PDK1: variants seen among roughly 807,000 people sequenced by gnomAD.
PDK1 encodes the protein [Pyruvate dehydrogenase (acetyl-transferring)] kinase isozyme 1, mitochondrial.
In PDK1, 39 loss-of-function variants were observed where a neutral mutation model predicts 54.2. The observed-to-expected ratio is 0.72, with a 90% CI of 0.56 to 0.94. The LOEUF (loss-of-function observed/expected upper bound fraction) is 0.94, where lower values mean the gene tolerates loss of function less well. PDK1 is among the 40% of genes least tolerant of loss of function. The pLI is 0.00. For missense variants in PDK1, 552 were observed against 566.0 expected (o/e 0.98, Z 0.25); for synonymous variants, 221 against 207.1 (o/e 1.07, Z -0.58).
chr2:172,576,904 T>C (rs1477454975), intron 8 of PDK1, among the ~76,000 whole-genome samples: 1 of 152,216 alleles, frequency 6.6e-6, no homozygotes, highest in African/African-American at 2.4e-5. Context: ...ATGTTCCATG[T>C]GTACTTGAGA....
the PDK1 span, among the ~76,000 whole-genome samples, chr2:172,659,300 A>G: frequency 6.6e-6 from 1 of 152,136 alleles, no homozygotes; most frequent in Non-Finnish European, 1.5e-5. Flanking sequence ...AATTTCACTA[A>G]CCCTTATCTT....
At chr2:172,592,491 G>C (rs1012659615) in intron 9 of PDK1, among the ~76,000 whole-genome samples, 2 of 150,972 alleles carry the variant, frequency 1.3e-5, no homozygotes, top group Admixed American at 6.6e-5. Flanking sequence ...CTCTTCCTCT[G>C]TCTCTCTCTC....
chr2:172,573,537 A>G (rs1285399902), intron 8 of PDK1, among the ~76,000 whole-genome samples: 1 of 151,444 alleles, frequency 6.6e-6, no homozygotes, highest in Non-Finnish European at 1.5e-5. Flanking sequence ...ATATACATAT[A>G]TACATACATA....
the PDK1 span, among the ~76,000 whole-genome samples, chr2:172,672,120 C>T: frequency 3.3e-5 from 5 of 152,162 alleles, no homozygotes; most frequent in Admixed American, 2.0e-4. Flanking sequence ...GTTTGTAGGT[C>T]TGCAGAGAGG....
the PDK1 span, among the ~76,000 whole-genome samples, chr2:172,706,662 C>T: frequency 1.3e-5 from 2 of 152,182 alleles, no homozygotes; most frequent in Non-Finnish European, 2.9e-5. Context: ...CTTCTGGGCT[C>T]AAGTGATCTG....
chr2:172,716,324 G>A, the PDK1 span, among the ~76,000 whole-genome samples: 1 of 152,036 alleles, frequency 6.6e-6, no homozygotes, highest in Non-Finnish European at 1.5e-5. Flanking sequence ...ATCTGATTAA[G>A]TTGGCCTAAT....
the PDK1 span, chr2:172,723,826 A>G: frequency 6.6e-6 from 1 of 152,174 alleles, no homozygotes; most frequent in African/African-American, 2.4e-5. Context: ...CTTACTCTCA[A>G]AGGATGAGCA....
At chr2:172,656,880 T>G in the PDK1 span, among the ~76,000 whole-genome samples, 1 of 152,216 alleles carries the variant, frequency 6.6e-6, no homozygotes, top group Non-Finnish European at 1.5e-5. Flanking sequence ...GACTTTCACC[T>G]GAGAGTTTGA....
chr2:172,614,153 C>T, the PDK1 span, among the ~76,000 whole-genome samples: 1 of 145,454 alleles, frequency 6.9e-6, no homozygotes, highest in Non-Finnish European at 1.5e-5. Flanking sequence ...AGCCTGTGCC[C>T]TCAGGGGTCC....
chr2:172,643,372 G>T, the PDK1 span, among the ~76,000 whole-genome samples: 1 of 152,188 alleles, frequency 6.6e-6, no homozygotes, highest in Non-Finnish European at 1.5e-5. Flanking sequence ...TTGTACTCCA[G>T]GAAGAGCATA....
the PDK1 span, among the ~76,000 whole-genome samples, chr2:172,623,835 A>G: frequency 1.3e-5 from 2 of 152,230 alleles, no homozygotes; most frequent in African/African-American, 4.8e-5. Flanking sequence ...TCATAGGATA[A>G]GAGCAGAGCA....
the PDK1 span, among the ~76,000 whole-genome samples, chr2:172,675,279 C>T: frequency 6.6e-6 from 1 of 152,202 alleles, no homozygotes; most frequent in Non-Finnish European, 1.5e-5. Flanking sequence ...TCACCTCTCT[C>T]ACTTTAATCA....
rs72501392 is a variant in PDK1, at chr2:172,590,883, C to T, written c.1057-2052C>T. ...CTAGACAGAAAAGTTCTCCAAGTCC[C>T]CACCCGACCCAGAAGCCCAACTGGC... On this transcript the variant is annotated intron_variant, in intron 9 of 10. Coordinates refer to ENST00000282077, the MANE Select transcript of PDK1 (RefSeq NM_002610.5). 2.6e-5 allele frequency among the ~76,000 whole-genome samples: 4 copies of T among 152,084 alleles called. No homozygotes were observed. In the East Asian group the frequency reaches 7.7e-4, roughly 29 times the overall value.
At chr2:172,699,906 C>A in the PDK1 span, among the ~76,000 whole-genome samples, 1 of 152,098 alleles carries the variant, frequency 6.6e-6, no homozygotes, top group East Asian at 1.9e-4. Flanking sequence ...GCCCTGCCGC[C>A]TTCCGAACTG....
chr2:172,647,636 T>C, the PDK1 span, among the ~76,000 whole-genome samples: 1 of 152,208 alleles, frequency 6.6e-6, no homozygotes, highest in Non-Finnish European at 1.5e-5. Context: ...CAATTCATCC[T>C]TAAGGAATTC....
chr2:172,687,149 A>G, the PDK1 span, among the ~76,000 whole-genome samples: 4 of 152,274 alleles, frequency 2.6e-5, no homozygotes, highest in African/African-American at 9.6e-5. Flanking sequence ...CATACAATTT[A>G]ATGAACTCTA....
At chr2:172,648,705 G>A in the PDK1 span, among the ~76,000 whole-genome samples, 1 of 152,184 alleles carries the variant, frequency 6.6e-6, no homozygotes, top group African/African-American at 2.4e-5. Flanking sequence ...TGGCTCGGAG[G>A]GTCCCATGCC....
At chr2:172,589,986 C>T (rs1452889424) in intron 9 of PDK1, among the ~76,000 whole-genome samples, 2 of 152,084 alleles carry the variant, frequency 1.3e-5, no homozygotes, top group African/African-American at 4.8e-5. Flanking sequence ...CCTGATCTTA[C>T]CAGGTCTAGA....
At chr2:172,588,464 G>T (rs1488348236) in intron 9 of PDK1, among the ~76,000 whole-genome samples, 2 of 152,208 alleles carry the variant, frequency 1.3e-5, no homozygotes, top group Non-Finnish European at 2.9e-5. Flanking sequence ...GTTGATACAT[G>T]TAAAAATGCT....
Sources: allele counts gnomAD v4.1 joint callset (sites outside exome capture counted in the v4.1 genomes callset), GRCh38; gene constraint gnomAD v4.1.1; transcripts MANE v1.5; gene names NCBI Gene and HGNC (gene_info 2026-07-23, HGNC 2026-07-21).